The following RAPGEF6 variants were observed in gnomAD, a reference collection of about 807,000 sequenced individuals.
RAPGEF6 encodes PDZ domain containing guanine nucleotide exchange factor (GEF) 2.
Under a neutral mutation model 171.4 loss-of-function variants are expected in RAPGEF6, and 56 were observed. The ratio of observed to expected loss-of-function variants is 0.33; its 90% confidence interval spans 0.26 to 0.41. The LOEUF (loss-of-function observed/expected upper bound fraction) is 0.41. RAPGEF6 is among the 10% of genes least tolerant of loss of function. The probability of loss-of-function intolerance (pLI) is 1.00; values close to 1 mark genes in which losing one functional copy is unlikely to be tolerated. For missense variants in RAPGEF6, 1,674 were observed against 1,921.4 expected (o/e 0.87, Z 2.41); for synonymous variants, 692 against 650.1 (o/e 1.06, Z -0.98).
chr5:131,545,130 T>C (rs184347256), intron 6 of RAPGEF6, among the ~76,000 whole-genome samples: 153 of 152,300 alleles, frequency 1.0e-3, no homozygotes, highest in African/African-American at 3.4e-3. Context: ...GAAGTGCTTA[T>C]TCTACATTAA....
In RAPGEF6 at chr5:131,526,944, G is replaced by C. The variant is rs80282067; in HGVS notation, c.496-5423C>G. On this transcript the variant is annotated intron_variant, in intron 6 of 27. Coordinates refer to ENST00000509018, the MANE Select transcript of RAPGEF6 (RefSeq NM_016340.6). Reference sequence around the variant, plus strand: ...TGCTGAATACTTTGTATATATAGAGGGGGGTGGGGAAAGAGAGGTATTGAG... The same window carrying C: ...TGCTGAATACTTTGTATATATAGAGCGGGGTGGGGAAAGAGAGGTATTGAG... Among the ~76,000 whole-genome samples, 446 of 152,254 alleles carry C rather than the reference G, an allele frequency of 2.9e-3. 2 individuals are homozygous for C. Among genetic ancestry groups the C allele is most frequent in the East Asian group, 0.028 (143 of 5,182 alleles).
intron 14 of RAPGEF6, among the ~76,000 whole-genome samples, chr5:131,490,258 G>T (rs1328948937): frequency 6.6e-6 from 1 of 151,770 alleles, no homozygotes; most frequent in Admixed American, 6.6e-5. Context: ...AAGGGAAAAG[G>T]ATAAAAAGAT....
chr5:131,466,803 C>T (rs915809873), intron 17 of RAPGEF6, among the ~76,000 whole-genome samples: 4 of 152,152 alleles, frequency 2.6e-5, no homozygotes, highest in African/African-American at 9.7e-5. Context: ...GACTAATATA[C>T]CTCTCTACCC....
At chr5:131,567,791 CTT>C (rs1762042232) in intron 4 of RAPGEF6, among the ~76,000 whole-genome samples, 1 of 152,150 alleles carries the variant, frequency 6.6e-6, no homozygotes, top group African/African-American at 2.4e-5. Context: ...TATTGAAAGA[CTT>C]TTGAAATCAC....
rs958320248 is a variant in RAPGEF6, at chr5:131,425,412, G to GA, written c.*1853dup. Reference sequence around the variant, plus strand: ...AACAAAATTATGCAAATCAGTGAAGGAAAAAATGTATAATCATAGGACCAC... The same window carrying GA: ...AACAAAATTATGCAAATCAGTGAAGGAAAAAAATGTATAATCATAGGACCAC... On this transcript the variant is annotated 3_prime_UTR_variant, in exon 28 of 28. Coordinates refer to ENST00000509018, the MANE Select transcript of RAPGEF6 (RefSeq NM_016340.6). 1 of 152,196 alleles carries GA rather than the reference G, an allele frequency of 6.6e-6. No individual in the cohort carries two copies. Among genetic ancestry groups the GA allele is most frequent in the African/African-American group, 2.4e-5 (1 of 41,410 alleles). 9.4% of individuals were successfully genotyped at this position (152,196 alleles called of 1,614,324 possible). A position where few individuals can be genotyped will look rare whatever the true frequency, so the allele number is the denominator to read the frequency against.
At chr5:131,555,435 T>C (rs1400362425) in intron 5 of RAPGEF6, among the ~76,000 whole-genome samples, 4 of 151,814 alleles carry the variant, frequency 2.6e-5, no homozygotes, top group Non-Finnish European at 5.9e-5. Context: ...GTCGTGTCAA[T>C]GCTGACATTT....
At chr5:131,601,553 C>T (rs939639983) in intron 3 of RAPGEF6, among the ~76,000 whole-genome samples, 7 of 152,058 alleles carry the variant, frequency 4.6e-5, no homozygotes, top group African/African-American at 1.7e-4. Flanking sequence ...CTGATAGAAA[C>T]ATAAATGTCA....
chr5:131,634,806 C>A (rs973603867), intron 1 of RAPGEF6, among the ~76,000 whole-genome samples, 156 bp downstream of exon 1: 3 of 152,182 alleles, frequency 2.0e-5, no homozygotes, highest in African/African-American at 7.2e-5. Flanking sequence ...ACCCTGCTGG[C>A]GACAAGGGCC....
At chr5:131,446,429 A>T in intron 22 of RAPGEF6, 54 bp downstream of exon 22, 1 of 1,485,816 alleles carries the variant, frequency 6.7e-7, no homozygotes, top group Non-Finnish European at 9.1e-7. Flanking sequence ...TAGAGAAATA[A>T]GTTTTTATTT....
rs180998578 is a variant in RAPGEF6, at chr5:131,428,890, T to C, written c.4780+12A>G. On this transcript the variant is annotated intron_variant, in intron 27 of 27. Transcript: ENST00000509018. ...TTCATTTAAGAGCCTTTAAGAGAGC[T>C]TGTCAACATACCATCTGCTTCGCTA... 21 of 1,607,882 alleles carry C rather than the reference T, an allele frequency of 1.3e-5. No homozygotes were observed. The highest frequency in any genetic ancestry group is 5.0e-5 in the Admixed American group (3 of 59,860).
intron 1 of RAPGEF6, among the ~76,000 whole-genome samples, chr5:131,617,516 G>C (rs879638584): frequency 6.6e-6 from 1 of 152,106 alleles, no homozygotes; most frequent in Admixed American, 6.5e-5. Flanking sequence ...GTAGTGTTAC[G>C]ATCTCAGCCC....
Position 131,455,928 on chromosome 5 carries a change from T to C in RAPGEF6, c.2949A>G (p.Leu983=), listed in dbSNP as rs146941788. The part of the protein sequence containing the change: ...PSKYEKHLQD[L]QDIFDPSRNM... Reference sequence around the variant, plus strand: ...TTCTAGATGGATCAAAAATGTCTTGTAGATCTTGAAGATGTTTCTCGTATT... The same window carrying C: ...TTCTAGATGGATCAAAAATGTCTTGCAGATCTTGAAGATGTTTCTCGTATT... Residue 983 remains leucine, a synonymous_variant, in exon 20 of 28, where the codon CTA becomes CTG. Coordinates refer to ENST00000509018, the MANE Select transcript of RAPGEF6 (RefSeq NM_016340.6). 1.7e-5 allele frequency: 27 copies of C among 1,613,990 alleles called. No individual in the cohort carries two copies. In the African/African-American group the frequency reaches 3.5e-4, roughly 21 times the overall value.
chr5:131,500,434 A>AT (rs755287614), intron 11 of RAPGEF6, among the ~76,000 whole-genome samples: 8 of 152,248 alleles, frequency 5.3e-5, no homozygotes, highest in East Asian at 3.9e-4. Flanking sequence ...ACTGTTCAAC[A>AT]TGTTAGGCCA....
chr5:131,612,180 GT>G (rs1561606127), intron 1 of RAPGEF6, among the ~76,000 whole-genome samples: 1 of 148,308 alleles, frequency 6.7e-6, no homozygotes, highest in Admixed American at 6.8e-5. Flanking sequence ...GACTACAGGC[GT>G]GCACCACCAT....
At chr5:131,484,685 A>G (rs928878005) in intron 15 of RAPGEF6, among the ~76,000 whole-genome samples, 1 of 152,192 alleles carries the variant, frequency 6.6e-6, no homozygotes, top group Non-Finnish European at 1.5e-5. Flanking sequence ...GTTAATAGCA[A>G]AAACTATAAA....
chr5:131,541,002 A>T (rs1263522455), intron 6 of RAPGEF6, among the ~76,000 whole-genome samples: 1 of 152,248 alleles, frequency 6.6e-6, no homozygotes, highest in African/African-American at 2.4e-5. Flanking sequence ...AATTCACTAC[A>T]TTTCAAAATG....
At chr5:131,527,138 T>A (rs970144182) in intron 6 of RAPGEF6, among the ~76,000 whole-genome samples, 1 of 152,130 alleles carries the variant, frequency 6.6e-6, no homozygotes, top group Non-Finnish European at 1.5e-5. Context: ...GGCCCTCAGA[T>A]CACTAAGGCT....
chr5:131,506,688 G>A (rs1757392139), intron 9 of RAPGEF6, among the ~76,000 whole-genome samples: 1 of 152,056 alleles, frequency 6.6e-6, no homozygotes, highest in Non-Finnish European at 1.5e-5. Flanking sequence ...AGTGTATCTG[G>A]CTTTTTCACC....
At chr5:131,542,961 T>C (rs887334419) in intron 6 of RAPGEF6, among the ~76,000 whole-genome samples, 8 of 152,210 alleles carry the variant, frequency 5.3e-5, no homozygotes, top group Admixed American at 4.6e-4. Flanking sequence ...TATTTACTTG[T>C]ACATTGTGAT....
Sources: gnomAD v4.1 joint callset for allele counts (sites outside exome capture counted in the v4.1 genomes callset) on GRCh38, gnomAD v4.1.1 for gene constraint, MANE v1.5 for transcripts, NCBI Gene and HGNC (gene_info 2026-07-23, HGNC 2026-07-21) for gene names.